NREP: variants seen among roughly 807,000 people sequenced by gnomAD.
The protein encoded by NREP is neuronal regeneration related protein, also known as neuronal regeneration-related protein.
In NREP, 5 loss-of-function variants were observed where a neutral mutation model predicts 8.6. The observed-to-expected ratio is 0.58, with a 90% confidence interval of 0.30 to 1.22. NREP has a LOEUF of 1.22. Among genes scored for constraint, NREP ranks in the 50% most tolerant of loss-of-function variants. The probability of loss-of-function intolerance (pLI) is 0.07; values close to 1 mark genes in which losing one functional copy is unlikely to be tolerated. For missense variants in NREP, 86 were observed against 82.5 expected, an observed-to-expected ratio of 1.04 and a Z score of -0.17; for synonymous variants, 27 against 28.0, an observed-to-expected ratio of 0.96 and a Z score of 0.11.
At chr5:111,765,079 A>G (rs1751048949) in intron 2 of NREP, among the ~76,000 whole-genome samples, 1 of 152,150 alleles carries the variant, frequency 6.6e-6, no homozygotes, top group South Asian at 2.1e-4. Flanking sequence ...CTTTTGGGCA[A>G]CAGGGACTGG....
intron 2 of NREP, among the ~76,000 whole-genome samples, chr5:111,929,025 C>G (rs1044730005): frequency 3.3e-5 from 5 of 151,976 alleles, no homozygotes; most frequent in Non-Finnish European, 2.9e-5. Flanking sequence ...TGTTTTATAT[C>G]TAGTGTTTTA....
In NREP at chr5:111,729,608, C is replaced by G. The variant is rs1748370402; in HGVS notation, c.*1313G>C. 6.6e-6 allele frequency: 1 copy of G among 152,586 alleles called. No homozygotes were observed. Among genetic ancestry groups the G allele is most frequent in the African/African-American group, 2.4e-5 (1 of 41,434 alleles). The allele number at this position is 152,586 out of a possible 1,614,324, so 9.5% of individuals were successfully genotyped here. On this transcript the variant is annotated 3_prime_UTR_variant, in exon 4 of 4. Coordinates refer to ENST00000257435, the MANE Select transcript of NREP (RefSeq NM_004772.4). ...GCATGCGTCATCGGTGTTTAACAGT[C>G]AGAAGCGAAACAGTTCAGAACAAGG...
chr5:111,869,513 T>A (rs565223057), intron 2 of NREP, among the ~76,000 whole-genome samples: 1 of 152,310 alleles, frequency 6.6e-6, no homozygotes, highest in Admixed American at 6.5e-5. Flanking sequence ...AGCAGTTGCA[T>A]GGTGTGCTGG....
intron 2 of NREP, among the ~76,000 whole-genome samples, chr5:111,744,367 A>T (rs563221995): frequency 6.6e-6 from 1 of 152,244 alleles, no homozygotes; most frequent in South Asian, 2.1e-4. Flanking sequence ...AGATGGATGT[A>T]ATTAAAATTG....
At position 111,877,250 on chromosome 5, in the gene NREP, C is replaced by T. The variant is rs1029843179; in HGVS notation, c.135+98024G>A. 3.3e-5 allele frequency among the ~76,000 whole-genome samples: 5 copies of T among 152,118 alleles called. No individual in the cohort carries two copies. The South Asian group carries it at 6.2e-4, about 19-fold the overall frequency. ...GTTGCTGCTGCTATGGCCCTGTTAC[C>T]GCCTGGGTCTCCGGCAATAAACTCC... On this transcript the variant is annotated intron_variant, in intron 2 of 3. Coordinates refer to the NREP transcript ENST00000395634.
chr5:111,897,760 T>C (rs1183329769), intron 2 of NREP, among the ~76,000 whole-genome samples: 3 of 152,148 alleles, frequency 2.0e-5, no homozygotes, highest in Non-Finnish European at 4.4e-5. Context: ...AAACCCAAAT[T>C]TTTCATTTTG....
At chr5:111,746,439 A>G (rs916566238) in intron 2 of NREP, among the ~76,000 whole-genome samples, 4 of 152,160 alleles carry the variant, frequency 2.6e-5, no homozygotes, top group African/African-American at 7.2e-5. Flanking sequence ...ATGGAGACTC[A>G]GTTCTGGTCC....
At chr5:111,789,445 A>G (rs1428898987) in intron 2 of NREP, among the ~76,000 whole-genome samples, 1 of 152,236 alleles carries the variant, frequency 6.6e-6, no homozygotes, top group Non-Finnish European at 1.5e-5. Context: ...TTTTCTTCAG[A>G]ATAAAAATTA....
intron 2 of NREP, among the ~76,000 whole-genome samples, chr5:111,825,957 A>ATTT (rs370482212): frequency 0.025 from 3,464 of 140,294 alleles, 52 homozygotes; most frequent in Non-Finnish European, 0.027. Context: ...GCTCGTTTGG[A>ATTT]TTTTTTTTTT....
At chr5:111,907,151 T>A (rs1754797550) in intron 2 of NREP, among the ~76,000 whole-genome samples, 1 of 152,184 alleles carries the variant, frequency 6.6e-6, no homozygotes, top group Middle Eastern at 3.4e-3. Flanking sequence ...GTCTTTTCAT[T>A]CCCTTAACAG....
chr5:111,881,840 T>C (rs57893444), intron 2 of NREP, among the ~76,000 whole-genome samples: 1,671 of 151,832 alleles, frequency 0.011, 17 homozygotes, highest in South Asian at 0.036. Context: ...TACATCACCA[T>C]CATCAAAGAC....
chr5:111,768,748 T>C (rs1343733353), intron 2 of NREP, among the ~76,000 whole-genome samples: 3 of 152,210 alleles, frequency 2.0e-5, no homozygotes, highest in African/African-American at 4.8e-5. Context: ...CATGTTTTCT[T>C]TATTCAGTCT....
At chr5:111,840,507 C>A (rs879663963) in intron 2 of NREP, among the ~76,000 whole-genome samples, 39 of 152,202 alleles carry the variant, frequency 2.6e-4, no homozygotes, top group Middle Eastern at 3.4e-3. Flanking sequence ...TCATTAGAGA[C>A]TGTAGTTAAG....
chr5:111,941,931 T>C (rs1755840073), intron 2 of NREP, among the ~76,000 whole-genome samples: 1 of 152,076 alleles, frequency 6.6e-6, no homozygotes, highest in Admixed American at 6.6e-5. Context: ...TACTCACTAC[T>C]TCTTAGCCTG....
intron 1 of NREP, chr5:111,756,316 TACAC>T: frequency 2.4e-5 from 1 of 41,096 alleles, no homozygotes; most frequent in Non-Finnish European, 4.4e-5. Context: ...AAAAAAACCC[TACAC>T]GGCGGGGGGG....
At chr5:111,854,078 G>C (rs1753369030) in intron 2 of NREP, among the ~76,000 whole-genome samples, 1 of 152,054 alleles carries the variant, frequency 6.6e-6, no homozygotes, top group African/African-American at 2.4e-5. Context: ...AGCAATGTAG[G>C]ATTTTTCCTT....
At chr5:111,769,396 T>C (rs1751164070) in intron 2 of NREP, among the ~76,000 whole-genome samples, 1 of 152,074 alleles carries the variant, frequency 6.6e-6, no homozygotes, top group South Asian at 2.1e-4. Context: ...CATTTTCAGA[T>C]AAAGAAAATT....
At chr5:111,764,179 G>T (rs1215452647) in intron 2 of NREP, among the ~76,000 whole-genome samples, 1 of 152,200 alleles carries the variant, frequency 6.6e-6, no homozygotes, top group African/African-American at 2.4e-5. Context: ...GCAGCATCCA[G>T]GGTTATGCTT....
In NREP at chr5:111,735,478, G is replaced by T; in HGVS notation, c.33C>A (p.Val11=). The T allele has an allele frequency of 6.2e-7, 1 of 1,613,046 alleles. No individual in the cohort carries two copies. The highest frequency in any genetic ancestry group is 1.1e-5 in the South Asian group (1 of 91,004). The part of the protein sequence containing the change: MVYYPELFVW[V]SQEPFPNKDM... ...CCTTGTTTGGAAATGGTTCTTGACT[G>T]ACCCAGACAAAGAGTTCTGGGTAAT... Residue 11 remains valine, a synonymous_variant, in exon 3 of 4, where the codon GTC becomes GTA. Coordinates refer to ENST00000257435, the MANE Select transcript of NREP (RefSeq NM_004772.4).
Sources: allele counts gnomAD v4.1 joint callset (sites outside exome capture counted in the v4.1 genomes callset), GRCh38; gene constraint gnomAD v4.1.1; transcripts MANE v1.5; gene names NCBI Gene and HGNC (gene_info 2026-07-23, HGNC 2026-07-21).